Variants in TARS3 observed in about 807,000 individuals in gnomAD.
TARS3 encodes threonine--tRNA ligase 2, cytoplasmic.
TARS3 carries 94 observed loss-of-function variants against 103.5 expected under a neutral mutation model. That is an observed-to-expected ratio of 0.91 (90% CI 0.77 to 1.08). The LOEUF (loss-of-function observed/expected upper bound fraction) is 1.08, where lower values mean the gene tolerates loss of function less well. TARS3 is among the 50% of genes least tolerant of loss of function. The pLI is 0.00. For missense variants in TARS3, 952 were observed against 995.2 expected (o/e 0.96, Z 0.58); for synonymous variants, 416 against 355.4 (o/e 1.17, Z -1.92).
intron 12 of TARS3, among the ~76,000 whole-genome samples, chr15:101,679,874 C>T (rs1382016191): frequency 3.9e-5 from 6 of 152,298 alleles, no homozygotes; most frequent in East Asian, 3.9e-4. Context: ...AGGAGCTCCT[C>T]GTTACTTCTG....
At chr15:101,673,366 C>A (rs191388605) in intron 13 of TARS3, among the ~76,000 whole-genome samples, 1 of 152,188 alleles carries the variant, frequency 6.6e-6, no homozygotes. Context: ...GTAATGACAA[C>A]GATACCAACA....
At chr15:101,708,291 A>G (rs966726598) in intron 6 of TARS3, among the ~76,000 whole-genome samples, 1 of 151,490 alleles carries the variant, frequency 6.6e-6, no homozygotes, top group African/African-American at 2.4e-5. Context: ...AAAAACCCAA[A>G]AAATAAAAAA....
chr15:101,658,912 C>G (rs778082386), intron 16 of TARS3, among the ~76,000 whole-genome samples: 6 of 152,160 alleles, frequency 3.9e-5, no homozygotes, highest in Non-Finnish European at 8.8e-5. Context: ...CCTAGCTCAG[C>G]CTCCTGAGTA....
chr15:101,671,745 G>A lies in TARS3; in HGVS notation c.1792C>T (p.Leu598=), dbSNP rs1897814052. 1 of 1,612,258 alleles carries A rather than the reference G, an allele frequency of 6.2e-7. No homozygotes were observed. Among genetic ancestry groups the A allele is most frequent in the African/African-American group, 1.3e-5 (1 of 74,760 alleles). ...CCAAAGTCCATCAAGCTGTTCTGCA[G>A]TTGCTTTTTCAAAAGAAGAAAAAAG... is the stretch of plus-strand genomic sequence containing the variant. The part of the protein sequence containing the change: ...IEMWNEAEKQ[L]QNSLMDFGEP... Residue 598 remains leucine (L), a synonymous_variant, in exon 14 of 19, where the codon CTG becomes TTG. Transcript: ENST00000335968.
chr15:101,697,284 T>G (rs1361619280), intron 10 of TARS3, among the ~76,000 whole-genome samples: 1 of 152,104 alleles, frequency 6.6e-6, no homozygotes, highest in East Asian at 1.9e-4. Flanking sequence ...CTAAAACATG[T>G]AGCTTTGGGG....
At chr15:101,708,278 A>C (rs1011197521) in intron 6 of TARS3, among the ~76,000 whole-genome samples, 2 of 151,188 alleles carry the variant, frequency 1.3e-5, no homozygotes, top group African/African-American at 2.4e-5. Flanking sequence ...AAAAAAAAAA[A>C]AAAAAAACCC....
At chr15:101,700,409 G>A (rs939466968) in intron 10 of TARS3, among the ~76,000 whole-genome samples, 1 of 152,190 alleles carries the variant, frequency 6.6e-6, no homozygotes, top group African/African-American at 2.4e-5. Flanking sequence ...GGCCCATGGA[G>A]CACATTTGGA....
At chr15:101,703,965 A>C (rs368511298) in intron 7 of TARS3, 28 bp from the exon 8 acceptor site, 5 of 1,513,172 alleles carry the variant, frequency 3.3e-6, no homozygotes, top group East Asian at 4.5e-5. Context: ...GGACATGCTC[A>C]GGCACAGTTA....
intron 15 of TARS3, among the ~76,000 whole-genome samples, chr15:101,664,774 G>A (rs1897513684): frequency 6.6e-6 from 1 of 152,114 alleles, no homozygotes; most frequent in South Asian, 2.1e-4. Flanking sequence ...GAGAAGAAAA[G>A]ACAAACAACA....
At chr15:101,712,495 CGT>C (rs926411662) in intron 4 of TARS3, among the ~76,000 whole-genome samples, 1 of 152,126 alleles carries the variant, frequency 6.6e-6, no homozygotes, top group African/African-American at 2.4e-5. Flanking sequence ...GAGCAGTCTT[CGT>C]GTGTTGAATA....
At chr15:101,671,352 G>A (rs1897793543) in intron 15 of TARS3, 134 bp downstream of exon 15, 6 of 659,668 alleles carry the variant, frequency 9.1e-6, no homozygotes, top group Non-Finnish European at 1.5e-5. Context: ...ATTATGATCA[G>A]GTAAACAAAT....
At chr15:101,711,370 T>G (rs746617928) in intron 5 of TARS3, among the ~76,000 whole-genome samples, 1 of 152,238 alleles carries the variant, frequency 6.6e-6, no homozygotes, top group Non-Finnish European at 1.5e-5. Context: ...TATAATCATC[T>G]TATGCAATAC....
At position 101,724,460 on chromosome 15, in the gene TARS3, G is replaced by C. The variant is rs1167834534; in HGVS notation, c.-73C>G. 7 of 1,349,404 alleles carry C rather than the reference G, an allele frequency of 5.2e-6. No individual in the cohort carries two copies. The highest frequency in any genetic ancestry group is 2.7e-4 in the Middle Eastern group (1 of 3,706). The allele number at this position is 1,349,404 out of a possible 1,614,324, so 83.6% of individuals were successfully genotyped here. On this transcript the variant is annotated 5_prime_UTR_variant, in exon 1 of 19. Coordinates refer to ENST00000335968, the MANE Select transcript of TARS3 (RefSeq NM_152334.3). ...GGCGAGGGCGACGCGGACACTCAGC[G>C]CACGGCAGAAGACAGGGCTCCCGGG...
At chr15:101,663,596 G>T (rs918631582) in intron 15 of TARS3, among the ~76,000 whole-genome samples, 1 of 152,146 alleles carries the variant, frequency 6.6e-6, no homozygotes, top group African/African-American at 2.4e-5. Context: ...GGTTGCTGTT[G>T]CTTCTGAAAT....
chr15:101,692,973 C>G (rs1898795014), intron 10 of TARS3, among the ~76,000 whole-genome samples: 1 of 150,640 alleles, frequency 6.6e-6, no homozygotes, highest in Non-Finnish European at 1.5e-5. Context: ...ATTAATATAA[C>G]AACAAGAGAA....
chr15:101,705,696 T>C lies in TARS3; in HGVS notation c.982A>G (p.Thr328Ala), dbSNP rs774750827. 4.0e-5 allele frequency: 64 copies of C among 1,611,136 alleles called. No homozygotes were observed. The highest frequency in any genetic ancestry group is 5.2e-5 in the Non-Finnish European group (61 of 1,178,366). The change falls in exon 7 of 19, where the codon ACC becomes GCC. Residue 328 changes from threonine to alanine, a missense_variant. Around this residue, in one of 2 missense-constraint regions of TARS3, gnomAD observed 540 missense variants for 631.0 expected, o/e 0.86. Transcript: ENST00000335968. ...GTGGACACAAACCTGTACACGGTGG[T>C]AGTTGCAGTGTTAACTTTCTCATTC... ...ILNEKVNTAT[T>A]TVYRCGPLID...
Position 101,699,052 on chromosome 15 carries a change from G to A in TARS3, c.1320+2034C>T, listed in dbSNP as rs182943389. Among the ~76,000 whole-genome samples the A allele has an allele frequency of 1.9e-3, 296 of 152,328 alleles. 5 individuals carry two copies. Among genetic ancestry groups the A allele is most frequent in the Admixed American group, 0.01 (157 of 15,306 alleles). On this transcript the variant is annotated intron_variant, in intron 10 of 18. Coordinates refer to ENST00000335968, the MANE Select transcript of TARS3 (RefSeq NM_152334.3). ...GATCAGTCCTTAATAGTGGCAGAGG[G>A]TGAATGCTCCAGTGGGAGATATCAT...
At chr15:101,658,100 C>G (rs1296259834) in intron 16 of TARS3, among the ~76,000 whole-genome samples, 1 of 152,114 alleles carries the variant, frequency 6.6e-6, no homozygotes, top group East Asian at 1.9e-4. Flanking sequence ...AAGGGCTGAG[C>G]ATGCACTTAC....
chr15:101,671,742 G>T lies in TARS3; in HGVS notation c.1795C>A (p.Gln599Lys). 1 of 1,612,724 alleles carries T rather than the reference G, an allele frequency of 6.2e-7. No homozygotes were observed. Among genetic ancestry groups the T allele is most frequent in the African/African-American group, 1.3e-5 (1 of 74,844 alleles). ...EMWNEAEKQL[Q>K]NSLMDFGEPW... Reference sequence around the variant, plus strand: ...TCTCCAAAGTCCATCAAGCTGTTCTGCAGTTGCTTTTTCAAAAGAAGAAAA... The same window carrying T: ...TCTCCAAAGTCCATCAAGCTGTTCTTCAGTTGCTTTTTCAAAAGAAGAAAA... Residue 599 changes from glutamine to lysine, a missense_variant, in exon 14 of 19, where the codon CAG (glutamine) becomes AAG (lysine). Transcript: ENST00000335968.
Sources: allele counts gnomAD v4.1 joint callset (sites outside exome capture counted in the v4.1 genomes callset), GRCh38; gene constraint gnomAD v4.1.1; regional missense constraint gnomAD v4.1.1; transcripts MANE v1.5; gene names NCBI Gene and HGNC (gene_info 2026-07-23, HGNC 2026-07-21).